Variants in DENND1B observed in about 807,000 individuals in gnomAD.
DENND1B encodes DENN domain-containing protein 1B.
DENND1B carries 59 observed loss-of-function variants against 90.1 expected under a neutral mutation model. That is an observed-to-expected ratio of 0.65 (90% CI 0.53 to 0.81). The LOEUF (loss-of-function observed/expected upper bound fraction) is 0.81, where lower values mean the gene tolerates loss of function less well. DENND1B is among the 40% of genes least tolerant of loss of function. The pLI is 0.00. For synonymous variants in DENND1B, 337 were observed against 324.6 expected (o/e 1.04, Z -0.41); for missense variants, 862 against 912.6 (o/e 0.94, Z 0.71).
At chr1:197,601,319 G>A (rs1676190115) in intron 13 of DENND1B, among the ~76,000 whole-genome samples, 4 of 151,728 alleles carry the variant, frequency 2.6e-5, no homozygotes, top group Middle Eastern at 3.4e-3. Context: ...CTCAATCAAA[G>A]TATCTGTGAT....
chr1:197,511,605 G>A, intron 22 of DENND1B, 123 bp downstream of exon 22: 1 of 551,680 alleles, frequency 1.8e-6, no homozygotes, highest in Non-Finnish European at 2.9e-6. Flanking sequence ...TATTTTTGAA[G>A]TTTTGACCCT....
At chr1:197,578,784 C>G (rs1348008432) in intron 15 of DENND1B, among the ~76,000 whole-genome samples, 2 of 152,072 alleles carry the variant, frequency 1.3e-5, no homozygotes, top group African/African-American at 4.8e-5. Context: ...TTTCCTTATA[C>G]CTATGTAACA....
chr1:197,590,660 T>C (rs1444742092), intron 14 of DENND1B, among the ~76,000 whole-genome samples: 1 of 152,160 alleles, frequency 6.6e-6, no homozygotes, highest in Non-Finnish European at 1.5e-5. Context: ...TAAAATAAGT[T>C]ACTCTTTAGC....
chr1:197,705,373 T>C (rs1343779688), intron 3 of DENND1B, among the ~76,000 whole-genome samples: 1 of 152,096 alleles, frequency 6.6e-6, no homozygotes, highest in Non-Finnish European at 1.5e-5. Context: ...TCAAGAAGGC[T>C]ATAAGAATTG....
chr1:197,715,208 G>A, intron 2 of DENND1B, 134 bp from the exon 3 acceptor site: 1 of 564,420 alleles, frequency 1.8e-6, no homozygotes, highest in Non-Finnish European at 3.1e-6. Context: ...AACATTTATA[G>A]TTGATGACAT....
intron 9 of DENND1B, among the ~76,000 whole-genome samples, chr1:197,645,016 A>C (rs1016566959): frequency 6.6e-6 from 1 of 152,014 alleles, no homozygotes; most frequent in Admixed American, 6.5e-5. Flanking sequence ...TCATAAAAGC[A>C]TATTTGTTAC....
chr1:197,716,555 G>A (rs1009662934), intron 2 of DENND1B, among the ~76,000 whole-genome samples: 2 of 151,290 alleles, frequency 1.3e-5, no homozygotes, highest in Non-Finnish European at 1.5e-5. Flanking sequence ...TATTTATATG[G>A]CAGTTTTACC....
chr1:197,769,623 T>C (rs1656148676), intron 2 of DENND1B, among the ~76,000 whole-genome samples: 1 of 152,216 alleles, frequency 6.6e-6, no homozygotes, highest in Non-Finnish European at 1.5e-5. Flanking sequence ...TTGTATGAAC[T>C]ATATCAAGTT....
intron 2 of DENND1B, among the ~76,000 whole-genome samples, chr1:197,752,737 C>A (rs1168937493): frequency 6.6e-6 from 1 of 151,840 alleles, no homozygotes. Flanking sequence ...TGGTGTGCTG[C>A]ACCCGTTAAC....
chr1:197,703,138 C>T (rs1659201562), intron 3 of DENND1B, among the ~76,000 whole-genome samples: 1 of 151,998 alleles, frequency 6.6e-6, no homozygotes, highest in Non-Finnish European at 1.5e-5. Flanking sequence ...CAGGCCTGCA[C>T]CACCAGGCCC....
intron 20 of DENND1B, among the ~76,000 whole-genome samples, chr1:197,522,639 T>C (rs1290038097): frequency 6.6e-6 from 1 of 152,118 alleles, no homozygotes; most frequent in Non-Finnish European, 1.5e-5. Flanking sequence ...CACTTCAACT[T>C]AGAAGGTAAA....
chr1:197,620,932 CAGA>C (rs1678100769), intron 10 of DENND1B, among the ~76,000 whole-genome samples: 1 of 151,192 alleles, frequency 6.6e-6, no homozygotes, highest in African/African-American at 2.4e-5. Flanking sequence ...AGGAGGATTA[CAGA>C]AGAACTCTAA....
At chr1:197,565,724 G>A (rs1672590464) in intron 15 of DENND1B, among the ~76,000 whole-genome samples, 1 of 148,232 alleles carries the variant, frequency 6.7e-6, no homozygotes, top group Admixed American at 6.9e-5. Context: ...CCACCTATGA[G>A]TGAGAATATG....
intron 15 of DENND1B, among the ~76,000 whole-genome samples, chr1:197,576,982 G>C (rs1673739185): frequency 1.3e-5 from 2 of 152,066 alleles, no homozygotes; most frequent in African/African-American, 2.4e-5. Flanking sequence ...TATTCATGGA[G>C]AGCCCGTAAG....
chr1:197,550,346 A>G (rs189848099), intron 16 of DENND1B, among the ~76,000 whole-genome samples: 71 of 152,128 alleles, frequency 4.7e-4, no homozygotes, highest in African/African-American at 1.6e-3. Context: ...TGGAATTGAG[A>G]CTCTGGCCAC....
chr1:197,529,242 A>ATATATGTGTGTGTG (rs1553277550), intron 20 of DENND1B, among the ~76,000 whole-genome samples: 3 of 10,856 alleles, frequency 2.8e-4, no homozygotes, highest in African/African-American at 5.0e-4. Context: ...ATATATATAT[A>ATATATGTGTGTGTG]TGTGTGTGTG....
chr1:197,679,947 C>T lies in DENND1B; in HGVS notation c.127-5778G>A, dbSNP rs143501844. 5.9e-3 allele frequency among the ~76,000 whole-genome samples: 876 copies of T among 149,564 alleles called. 8 individuals carry two copies. Among genetic ancestry groups the T allele is most frequent in the African/African-American group, 0.02 (809 of 40,698 alleles). ...GGCGGATTGCTTGAGCCAAGGAGTT[C>T]GAGACCAGCCTGGGCAACATGGTGA... On this transcript the variant is annotated intron_variant, in intron 3 of 22. Coordinates refer to ENST00000620048, the MANE Select transcript of DENND1B (RefSeq NM_001195215.2).
At chr1:197,719,377 CA>C (rs970651495) in intron 2 of DENND1B, among the ~76,000 whole-genome samples, 1 of 151,910 alleles carries the variant, frequency 6.6e-6, no homozygotes, top group Non-Finnish European at 1.5e-5. Context: ...GAATTCAGAT[CA>C]AGACAGTGAG....
At chr1:197,530,496 AATAAG>A (rs1025238733) in intron 20 of DENND1B, among the ~76,000 whole-genome samples, 4 of 152,194 alleles carry the variant, frequency 2.6e-5, no homozygotes, top group East Asian at 1.9e-4. Context: ...TAAACTTATA[AATAAG>A]ATATTTCTTG....
Sources: allele counts gnomAD v4.1 joint callset (sites outside exome capture counted in the v4.1 genomes callset), GRCh38; gene constraint gnomAD v4.1.1; transcripts MANE v1.5; gene names NCBI Gene and HGNC (gene_info 2026-07-23, HGNC 2026-07-21).